The following ROCK2 variants were observed in gnomAD, a reference collection of about 807,000 sequenced individuals.
The protein encoded by ROCK2 is Rho associated coiled-coil containing protein kinase 2.
Under a neutral mutation model 195.1 loss-of-function variants are expected in ROCK2, and 61 were observed. That is an observed-to-expected ratio of 0.31 (90% CI 0.25 to 0.39). The LOEUF (loss-of-function observed/expected upper bound fraction) is 0.39. Among genes scored for constraint, ROCK2 ranks in the 10% least tolerant of loss-of-function variants. The pLI is 1.00. For missense variants in ROCK2, 1,109 were observed against 1,637.4 expected, an observed-to-expected ratio of 0.68 and a Z score of 5.57; for synonymous variants, 504 against 545.5, an observed-to-expected ratio of 0.92 and a Z score of 1.06.
At chr2:11,267,695 A>C (rs1666466392) in intron 3 of ROCK2, among the ~76,000 whole-genome samples, 1 of 140,480 alleles carries the variant, frequency 7.1e-6, no homozygotes, top group Non-Finnish European at 1.5e-5. Flanking sequence ...TATCCTATCA[A>C]TACGCCTTTT....
At chr2:11,264,451 G>T (rs984165499) in intron 3 of ROCK2, among the ~76,000 whole-genome samples, 4 of 152,172 alleles carry the variant, frequency 2.6e-5, no homozygotes, top group South Asian at 4.1e-4. Flanking sequence ...CTAGGTTGAT[G>T]CAAGAGCCAT....
intron 1 of ROCK2, among the ~76,000 whole-genome samples, chr2:11,331,723 G>A (rs1357100578): frequency 6.6e-6 from 1 of 152,092 alleles, no homozygotes; most frequent in African/African-American, 2.4e-5. Context: ...TCAGGAGTTT[G>A]AGACCAGCCT....
intron 1 of ROCK2, among the ~76,000 whole-genome samples, chr2:11,330,773 GGGAGGGAAGAGGAGGAGA>G (rs1668704468): frequency 1.2e-5 from 1 of 80,250 alleles, no homozygotes. Flanking sequence ...AGGAGGAGGA[GGGAGGGAAGAGGAGGAGA>G]GAGGAGGGAG....
At chr2:11,333,050 G>C (rs569307232) in intron 1 of ROCK2, among the ~76,000 whole-genome samples, 1 of 152,122 alleles carries the variant, frequency 6.6e-6, no homozygotes, top group African/African-American at 2.4e-5. Context: ...GGGAATTTAG[G>C]GGGGGTGATG....
chr2:11,278,605 G>C (rs533643935), intron 3 of ROCK2, among the ~76,000 whole-genome samples: 37 of 152,082 alleles, frequency 2.4e-4, no homozygotes, highest in African/African-American at 8.4e-4. Context: ...GATTGTAAAG[G>C]TAGTTTTATT....
intron 4 of ROCK2, among the ~76,000 whole-genome samples, chr2:11,247,910 T>A (rs550010702): frequency 3.3e-5 from 5 of 151,988 alleles, no homozygotes; most frequent in African/African-American, 9.6e-5. Flanking sequence ...TAATCCCAGC[T>A]ACTCGGGAGG....
intron 4 of ROCK2, among the ~76,000 whole-genome samples, chr2:11,240,282 G>A (rs1402607558): frequency 2.6e-5 from 4 of 152,304 alleles, no homozygotes; most frequent in Admixed American, 6.5e-5. Flanking sequence ...GAAGCTATCA[G>A]AAGGACACGT....
rs562580817 is a variant in ROCK2, at chr2:11,296,900, T to C, written c.142-9164A>G. 1.6e-4 allele frequency among the ~76,000 whole-genome samples: 25 copies of C among 152,270 alleles called. No homozygotes were observed. The South Asian group carries it at 4.8e-3, about 29-fold the overall frequency. ...ACTCCTTTTGTTATGAATGTACTTA[T>C]GTTTTAATCAATTTTAAAAGCTCTT... On this transcript the variant is annotated intron_variant, in intron 1 of 32. Transcript: ENST00000315872.
intron 4 of ROCK2, among the ~76,000 whole-genome samples, chr2:11,249,413 T>C (rs1356143587): frequency 2.6e-5 from 4 of 152,226 alleles, no homozygotes; most frequent in Non-Finnish European, 5.9e-5. Context: ...AGCCAATTCT[T>C]TATCAAGAAG....
intron 29 of ROCK2, 69 bp downstream of exon 29, chr2:11,194,187 T>A (rs1449463773): frequency 1.6e-6 from 1 of 623,086 alleles, no homozygotes; most frequent in African/African-American, 1.9e-5. Context: ...ATGAGACTAA[T>A]AAATTGCATT....
At chr2:11,265,929 T>C (rs1199094808) in intron 3 of ROCK2, among the ~76,000 whole-genome samples, 1 of 36,946 alleles carries the variant, frequency 2.7e-5, no homozygotes, top group East Asian at 2.8e-3. Flanking sequence ...ACCTTGTTTC[T>C]ACAAAAAAAA....
At chr2:11,342,257 C>T (rs1669130047) in intron 1 of ROCK2, among the ~76,000 whole-genome samples, 1 of 152,074 alleles carries the variant, frequency 6.6e-6, no homozygotes, top group African/African-American at 2.4e-5. Context: ...TTCTCAGATC[C>T]GTAATGTGCC....
intron 20 of ROCK2, among the ~76,000 whole-genome samples, chr2:11,206,899 G>A (rs901291640): frequency 4.6e-5 from 7 of 152,284 alleles, no homozygotes; most frequent in African/African-American, 1.7e-4. Flanking sequence ...TGGTTAGTTG[G>A]TAAGTAACAG....
intron 3 of ROCK2, among the ~76,000 whole-genome samples, chr2:11,265,931 C>A (rs1451029249): frequency 1.6e-4 from 24 of 146,170 alleles, no homozygotes; most frequent in Non-Finnish European, 2.1e-4. Context: ...CTTGTTTCTA[C>A]AAAAAAAAAA....
At position 11,286,551 on chromosome 2, in the gene ROCK2, A is replaced by C. The variant is rs889033651; in HGVS notation, c.312T>G (p.Gly104=). ...AACACTTTCTTACCAACTGCACTTC[A>C]CCAAAAGCACCTCTTCCAATAACTT... ...VVKVIGRGAF[G]EVQLVRHKAS... is the part of the protein sequence containing the mutation. The change falls in exon 3 of 33, where the codon GGT becomes GGG. Residue 104 remains glycine (G), a synonymous_variant. Coordinates refer to ENST00000315872, the MANE Select transcript of ROCK2 (RefSeq NM_004850.5). The C allele has an allele frequency of 6.2e-7, 1 of 1,605,436 alleles. No homozygotes were observed.
intron 1 of ROCK2, among the ~76,000 whole-genome samples, chr2:11,315,805 A>C (rs1417164362): frequency 1.3e-5 from 2 of 152,118 alleles, no homozygotes; most frequent in Non-Finnish European, 2.9e-5. Flanking sequence ...TACATTATTA[A>C]ATTACATATA....
intron 4 of ROCK2, among the ~76,000 whole-genome samples, chr2:11,243,906 C>G (rs1665521064): frequency 6.6e-6 from 1 of 152,200 alleles, no homozygotes; most frequent in African/African-American, 2.4e-5. Context: ...TAGATAGGAA[C>G]TCTATACTGT....
chr2:11,284,348 C>A (rs914438857), intron 3 of ROCK2, among the ~76,000 whole-genome samples: 1 of 152,046 alleles, frequency 6.6e-6, no homozygotes, highest in Non-Finnish European at 1.5e-5. Flanking sequence ...CTTGGCCAAA[C>A]CTATAGGATG....
chr2:11,202,687 G>A (rs1003241717), intron 20 of ROCK2, among the ~76,000 whole-genome samples: 3 of 152,034 alleles, frequency 2.0e-5, no homozygotes, highest in Admixed American at 1.3e-4. Flanking sequence ...TAGTAGAGAC[G>A]GGGTTTCACC....
Sources: allele counts gnomAD v4.1 joint callset (sites outside exome capture counted in the v4.1 genomes callset), GRCh38; gene constraint gnomAD v4.1.1; transcripts MANE v1.5; gene names NCBI Gene and HGNC (gene_info 2026-07-23, HGNC 2026-07-21).